The following NCOA7 variants were observed in gnomAD, a reference collection of about 807,000 sequenced individuals.
The protein encoded by NCOA7 is 140 kDa estrogen receptor-associated protein.
Under a neutral mutation model 104.3 loss-of-function variants are expected in NCOA7, and 45 were observed. The ratio of observed to expected loss-of-function variants is 0.43; its 90% CI spans 0.34 to 0.55. The LOEUF (loss-of-function observed/expected upper bound fraction) is 0.55. Ranked by LOEUF, NCOA7 falls within the 20% of genes least tolerant of loss-of-function variation. The pLI, the probability that NCOA7 is intolerant of heterozygous loss-of-function variation, is 0.02. For missense variants in NCOA7, 1,041 were observed against 1,119.7 expected (o/e 0.93, Z 1.00); for synonymous variants, 398 against 402.3 (o/e 0.99, Z 0.13).
intron 3 of NCOA7, among the ~76,000 whole-genome samples, chr6:125,858,207 G>A (rs1170686939): frequency 2.0e-5 from 3 of 152,056 alleles, no homozygotes; most frequent in Non-Finnish European, 2.9e-5. Context: ...TGCTCTTTAA[G>A]TGTGCATTGA....
At chr6:125,903,354 T>TGCA (rs548073359) in intron 10 of NCOA7, among the ~76,000 whole-genome samples, 133 of 152,356 alleles carry the variant, frequency 8.7e-4, no homozygotes, top group South Asian at 7.0e-3. Context: ...GGATCACCAT[T>TGCA]GCAGCCATAG....
At chr6:125,884,465 A>G (rs1316111000) in intron 7 of NCOA7, among the ~76,000 whole-genome samples, 1 of 152,338 alleles carries the variant, frequency 6.6e-6, no homozygotes, top group African/African-American at 2.4e-5. Context: ...AGTTATCTGT[A>G]TCCTGCTGTT....
intron 2 of NCOA7, among the ~76,000 whole-genome samples, chr6:125,849,186 A>G (rs187289853): frequency 4.6e-5 from 7 of 152,338 alleles, no homozygotes; most frequent in African/African-American, 1.7e-4. Flanking sequence ...TCATTCAGCT[A>G]CTACAAATGA....
At chr6:125,893,770 G>GTT (rs750827967) in intron 10 of NCOA7, among the ~76,000 whole-genome samples, 7 of 152,274 alleles carry the variant, frequency 4.6e-5, no homozygotes, top group Admixed American at 2.0e-4. Context: ...ATACGTAATA[G>GTT]TTTTATTTAC....
intron 3 of NCOA7, among the ~76,000 whole-genome samples, chr6:125,868,965 G>A (rs765182219): frequency 4.2e-4 from 64 of 152,318 alleles, no homozygotes; most frequent in Non-Finnish European, 8.4e-4. Context: ...TAAGCCCCAT[G>A]CAGAACTGGT....
chr6:125,810,483 G>A (rs1776887351), intron 1 of NCOA7: 1 of 151,994 alleles, frequency 6.6e-6, no homozygotes, highest in Non-Finnish European at 1.5e-5. Context: ...AATTCTTTTT[G>A]GTCTGCAATA....
chr6:125,892,393 G>A (rs1298824206), intron 10 of NCOA7, among the ~76,000 whole-genome samples: 4 of 152,108 alleles, frequency 2.6e-5, no homozygotes, highest in African/African-American at 9.7e-5. Flanking sequence ...ACCACTTCAA[G>A]TGGTTTTTGT....
intron 1 of NCOA7, among the ~76,000 whole-genome samples, chr6:125,793,212 A>G (rs930826369): frequency 2.0e-5 from 3 of 152,226 alleles, no homozygotes; most frequent in African/African-American, 7.2e-5. Context: ...TGTAATAAAG[A>G]TAATTACATT....
chr6:125,822,096 A>G (rs1778242491), intron 2 of NCOA7, among the ~76,000 whole-genome samples: 1 of 152,180 alleles, frequency 6.6e-6, no homozygotes, highest in South Asian at 2.1e-4. Context: ...CCCTTTCTTT[A>G]ATTAACTGTA....
chr6:125,786,573 CTTTTT>C (rs148199881), upstream of NCOA7, among the ~76,000 whole-genome samples: 8 of 121,074 alleles, frequency 6.6e-5, no homozygotes, highest in Non-Finnish European at 6.8e-5. Flanking sequence ...TAATCATTGT[CTTTTT>C]TTTTTTTTTT....
intron 11 of NCOA7, among the ~76,000 whole-genome samples, chr6:125,918,828 T>C (rs1000781517): frequency 1.3e-5 from 2 of 152,144 alleles, no homozygotes; most frequent in Admixed American, 1.3e-4. Flanking sequence ...GTTCTAACTG[T>C]AATGAAGCCT....
At chr6:125,781,205 C>G (rs1437297257) in exon 1 of NCOA7, 1 of 152,236 alleles carries the variant, frequency 6.6e-6, no homozygotes, top group East Asian at 1.9e-4. Flanking sequence ...AGATATAACT[C>G]AACTTTGAAA....
At chr6:125,823,146 T>C (rs1778347815) in intron 2 of NCOA7, among the ~76,000 whole-genome samples, 1 of 152,172 alleles carries the variant, frequency 6.6e-6, no homozygotes, top group Non-Finnish European at 1.5e-5. Flanking sequence ...CCATAGCTCT[T>C]ATTTGTTTAT....
intron 2 of NCOA7, among the ~76,000 whole-genome samples, chr6:125,829,350 T>C (rs2474156): frequency 0.061 from 9,315 of 152,286 alleles, 403 homozygotes; most frequent in Middle Eastern, 0.1. Flanking sequence ...TCCTTATTAA[T>C]AGGAATTTTT....
At position 125,882,571 on chromosome 6, in the gene NCOA7, GTTTCC is replaced by G. The variant is rs749353578; in HGVS notation, c.699+28_699+32del. 1 of 1,605,722 alleles carries G rather than the reference GTTTCC, an allele frequency of 6.2e-7. No individual in the cohort carries two copies. On this transcript the variant is annotated intron_variant, in intron 7 of 15. Coordinates refer to ENST00000392477, the MANE Select transcript of NCOA7 (RefSeq NM_181782.5). ...GGAAAGGTATATAGCAATGTAATTT[GTTTCC>G]TTTCCTTGAAATCTATGAAAAACTA...
At chr6:125,782,201 G>T (rs370709995) in intron 1 of NCOA7, among the ~76,000 whole-genome samples, 3 of 151,948 alleles carry the variant, frequency 2.0e-5, no homozygotes, top group African/African-American at 7.3e-5. Context: ...TTTTAATGTA[G>T]CTACTAGGAT....
chr6:125,872,060 A>G (rs1285383153), intron 3 of NCOA7, among the ~76,000 whole-genome samples: 1 of 150,438 alleles, frequency 6.6e-6, no homozygotes, highest in Non-Finnish European at 1.5e-5. Flanking sequence ...CACGGTCTTT[A>G]CCTCCATGAT....
chr6:125,812,813 A>G (rs928143631), intron 1 of NCOA7, among the ~76,000 whole-genome samples: 1 of 152,114 alleles, frequency 6.6e-6, no homozygotes, highest in Non-Finnish European at 1.5e-5. Context: ...CGGTGCCGTA[A>G]CCCACGCAGT....
rs776156215 is a variant in NCOA7 at position 125,889,589 on chromosome 6, A to C, written c.1535A>C (p.Asn512Thr). Residue 512 changes from asparagine (N) to threonine (T), a missense_variant, in exon 9 of 16, where the codon AAC (asparagine) becomes ACC (threonine). By Grantham distance (65) the Asn-to-Thr change is moderately conservative. This residue lies in a region of NCOA7 where 914 missense variants were observed against 942.7 expected (regional missense o/e 0.97). Transcript: ENST00000392477. ...GAAAGCCGAGTAGAAAACACACTGA[A>C]CATACATGAAGATTTAGATAAAGTT... ...SPESRVENTL[N>T]IHEDLDKVKL... The C allele has an allele frequency of 1.7e-5, 28 of 1,613,822 alleles. No homozygotes were observed. In the Middle Eastern group the frequency reaches 4.9e-4, roughly 28 times the overall value.
Sources: gnomAD v4.1 joint callset for allele counts (sites outside exome capture counted in the v4.1 genomes callset) on GRCh38, gnomAD v4.1.1 for gene constraint, gnomAD v4.1.1 regional missense constraint, MANE v1.5 for transcripts, NCBI Gene and HGNC (gene_info 2026-07-23, HGNC 2026-07-21) for gene names.